Variants in ITGA7 observed in about 807,000 individuals in gnomAD.
ITGA7 encodes the protein integrin subunit alpha 7.
Under a neutral mutation model 131.6 loss-of-function variants are expected in ITGA7, and 84 were observed. The ratio of observed to expected loss-of-function variants is 0.64; its 90% confidence interval spans 0.54 to 0.77. The LOEUF is 0.77. ITGA7 is among the 30% of genes least tolerant of loss of function. The probability of loss-of-function intolerance (pLI) is 0.00; values close to 1 mark genes in which losing one functional copy is unlikely to be tolerated. For synonymous variants in ITGA7, 548 were observed against 600.7 expected, an observed-to-expected ratio of 0.91 and a Z score of 1.28; for missense variants, 1,399 against 1,482.9, an observed-to-expected ratio of 0.94 and a Z score of 0.93.
intron 3 of ITGA7, chr12:55,701,495 G>A: frequency 1.4e-6 from 2 of 1,414,408 alleles, no homozygotes; most frequent in Non-Finnish European, 9.8e-7. Flanking sequence ...CCTCCAAAAT[G>A]CCAAGCTTGG....
chr12:55,705,349 G>A (rs1291183032), intron 1 of ITGA7, among the ~76,000 whole-genome samples: 1 of 150,122 alleles, frequency 6.7e-6, no homozygotes, highest in Admixed American at 6.7e-5. Context: ...CAGCCACAGT[G>A]TAGCCACTGC....
At chr12:55,702,051 T>C (rs914727081) in intron 3 of ITGA7, among the ~76,000 whole-genome samples, 9 of 152,180 alleles carry the variant, frequency 5.9e-5, no homozygotes, top group African/African-American at 1.9e-4. Flanking sequence ...ACTTTGCTCT[T>C]GTCTCCCAGG....
intron 19 of ITGA7, 123 bp downstream of exon 19, chr12:55,693,898 A>C: frequency 1.3e-6 from 1 of 773,750 alleles, no homozygotes; most frequent in Non-Finnish European, 2.3e-6. Flanking sequence ...TATGCAGGAC[A>C]GAGGCCTCAA....
intron 24 of ITGA7, 151 bp downstream of exon 24, chr12:55,687,820 G>T (rs1870559707): frequency 1.9e-6 from 2 of 1,055,564 alleles, no homozygotes; most frequent in Non-Finnish European, 2.9e-6. Context: ...AACATCCAGG[G>T]ACTAATAGAG....
intron 1 of ITGA7, 54 bp from the exon 2 acceptor site, chr12:55,703,232 C>A: frequency 6.3e-7 from 1 of 1,592,426 alleles, no homozygotes; most frequent in Non-Finnish European, 8.5e-7. Flanking sequence ...GTCAGAATGA[C>A]CCAATCTCAT....
intron 7 of ITGA7, 96 bp from the exon 8 acceptor site, chr12:55,698,122 AT>A: frequency 8.3e-7 from 1 of 1,202,056 alleles, no homozygotes; most frequent in Non-Finnish European, 1.2e-6. Context: ...TATGTTTTCT[AT>A]TTTATTGAGA....
upstream of ITGA7, among the ~76,000 whole-genome samples, chr12:55,709,969 C>T (rs1875920287): frequency 3.3e-5 from 5 of 152,276 alleles, no homozygotes; most frequent in South Asian, 8.3e-4. Context: ...GCGTGCTAGA[C>T]CAGCCTAGTA....
In ITGA7 at chr12:55,697,126, C is replaced by T. The variant is rs1872785232; in HGVS notation, c.1568-58G>A. 4 of 1,592,572 alleles carry T rather than the reference C, an allele frequency of 2.5e-6. No individual in the cohort carries two copies. The Admixed American group carries it at 7.1e-5, about 28-fold the overall frequency. ...GCTGCAGAGCTGCTCCAGCTCACCC[C>T]ATTCCAAGGGTGCTCTTCTACCACC... On this transcript the variant is annotated intron_variant, in intron 11 of 24. Transcript: ENST00000257879.
rs897328094 is a variant in ITGA7, at chr12:55,698,321, G to A, written c.1192+62C>T. On this transcript the variant is annotated intron_variant, in intron 7 of 24. Coordinates refer to ENST00000257879, the MANE Select transcript of ITGA7 (RefSeq NM_002206.3). ...CAGAAGACCACACCCTGACCTCTGA[G>A]GGGCTTCCCCATCCCTCCTGTGGCC... 59 of 1,460,376 alleles carry A rather than the reference G, an allele frequency of 4.0e-5. 1 individual carries two copies. The highest frequency in any genetic ancestry group is 6.4e-5 in the Admixed American group (3 of 47,014). 90.5% of individuals were successfully genotyped at this position (1,460,376 alleles called of 1,614,324 possible).
Position 55,702,876 on chromosome 12 carries a change from A to T in ITGA7, c.410T>A (p.Ile137Asn). 1 of 1,612,390 alleles carries T rather than the reference A, an allele frequency of 6.2e-7. No homozygotes were observed. The highest frequency in any genetic ancestry group is 8.5e-7 in the Non-Finnish European group (1 of 1,179,616). ...SVRSQGPGGK[I>N]VTCAHRYEAR... ...GTCATGAGAAGCAATACTCACAACAATCTTGCCCCCAGGCCCCTGGCTCCG... is the reference window on the plus strand; with the variant it reads ...GTCATGAGAAGCAATACTCACAACATTCTTGCCCCCAGGCCCCTGGCTCCG... Residue 137 changes from isoleucine (I) to asparagine (N), a missense_variant, in exon 3 of 25, where the codon ATT becomes AAT. By Grantham distance (149) the Ile-to-Asn change is moderately radical. Transcript: ENST00000257879.
rs781445250 is a variant in ITGA7, at chr12:55,701,084, C to T, written c.485G>A (p.Arg162His). 6.8e-6 allele frequency: 11 copies of T among 1,614,084 alleles called. No homozygotes were observed. The highest frequency in any genetic ancestry group is 5.3e-5 in the African/African-American group (4 of 74,934). The change falls in exon 4 of 25, where the codon CGC (arginine) becomes CAC (histidine). Residue 162 changes from arginine to histidine, a missense_variant. Physicochemically the swap from Arg to His is conservative, Grantham distance 29. Transcript: ENST00000257879. ...QILETRDMIG[R>H]CFVLSQDLAI... Reference sequence around the variant, plus strand: ...CAGGTCCTGGCTGAGCACAAAGCAGCGACCAATCATATCCCGCGTCTCCAG... The same window carrying T: ...CAGGTCCTGGCTGAGCACAAAGCAGTGACCAATCATATCCCGCGTCTCCAG...
intron 4 of ITGA7, chr12:55,700,514 C>T: frequency 1.6e-6 from 2 of 1,233,468 alleles, no homozygotes; most frequent in East Asian, 4.7e-5. Context: ...TCTCCCCACC[C>T]TGTCCCCAAC....
Position 55,685,057 on chromosome 12 carries a change from C to T in ITGA7, c.*1G>A, listed in dbSNP as rs1442990799. 1 of 1,577,156 alleles carries T rather than the reference C, an allele frequency of 6.3e-7. No individual in the cohort carries two copies. Among genetic ancestry groups the T allele is most frequent in the South Asian group, 1.2e-5 (1 of 85,746 alleles). ...CACAGGCCAGGCTGGGACATGGGAA[C>T]CTAGGCGGTGCCTGGCCCTGGATGC... is the stretch of plus-strand genomic sequence containing the variant. On this transcript the variant is annotated 3_prime_UTR_variant, in exon 25 of 25. Coordinates refer to ENST00000257879, the MANE Select transcript of ITGA7 (RefSeq NM_002206.3).
Position 55,684,983 on chromosome 12 carries a change from A to G in ITGA7, c.*75T>C. On this transcript the variant is annotated 3_prime_UTR_variant, in exon 25 of 25. Coordinates refer to ENST00000257879, the MANE Select transcript of ITGA7 (RefSeq NM_002206.3). ...TGATGCGACACCAGCAGCCCACTCT[A>G]CCCTCTTCATCCCAAGGAGCCATCT... 7.9e-7 allele frequency: 1 copy of G among 1,264,878 alleles called. No individual in the cohort carries two copies. The highest frequency in any genetic ancestry group is 1.4e-5 in the South Asian group (1 of 69,466). 78.4% of individuals were successfully genotyped at this position (1,264,878 alleles called of 1,614,324 possible).
Position 55,694,148 on chromosome 12 carries a change from G to T in ITGA7, c.2433-25C>A, listed in dbSNP as rs1245624620. The T allele has an allele frequency of 1.1e-5, 18 of 1,611,858 alleles. No individual in the cohort carries two copies. The highest frequency in any genetic ancestry group is 1.5e-5 in the Non-Finnish European group (18 of 1,177,876). On this transcript the variant is annotated intron_variant, in intron 18 of 24. Coordinates refer to ENST00000257879, the MANE Select transcript of ITGA7 (RefSeq NM_002206.3). The surrounding 1 kb of genome is among the most constrained non-coding windows in gnomAD (Gnocchi z 5.3). ...TCTGGCGTGGAGAGGTCAGAACAGG[G>T]GTGAGAAGGTCTGGGGCCTGGCTCA...
chr12:55,697,924 GC>G lies in ITGA7; in HGVS notation c.1281+13del. The G allele has an allele frequency of 1.2e-6, 2 of 1,614,022 alleles. No individual in the cohort carries two copies. Among genetic ancestry groups the G allele is most frequent in the Non-Finnish European group, 1.7e-6 (2 of 1,179,996 alleles). The stretch of plus-strand genomic sequence containing the variant: ...CACCCACACCCATTCCCTCATCCCA[GC>G]GACTCCCCTCACCTGTGAAGGTTTG... On this transcript the variant is annotated intron_variant, in intron 8 of 24. Transcript: ENST00000257879.
At chr12:55,706,104 G>C (rs112811314) in intron 1 of ITGA7, among the ~76,000 whole-genome samples, 5 of 152,332 alleles carry the variant, frequency 3.3e-5, no homozygotes, top group African/African-American at 1.2e-4. Context: ...GAAATGACAA[G>C]AGACCAAGCT....
chr12:55,697,046 C>G lies in ITGA7; in HGVS notation c.1590G>C (p.Ala530=), dbSNP rs745575666. 1.5e-5 allele frequency: 25 copies of G among 1,613,976 alleles called. No homozygotes were observed. Among genetic ancestry groups the G allele is most frequent in the South Asian group, 2.2e-5 (2 of 91,046 alleles). ...GGCCCCGGAGCCTCCGGTCTGTGTC[C>G]GCATCTAACACATAGTCCAGGGCTG... ...PTVALDYVLD[A]DTDRRLRGQV... is the part of the protein sequence containing the mutation. Residue 530 remains alanine, a synonymous_variant, in exon 12 of 25, where the codon GCG becomes GCC. Transcript: ENST00000257879.
At position 55,695,121 on chromosome 12, in the gene ITGA7, G is replaced by A. The variant is rs966366236; in HGVS notation, c.2004-151C>T. 22 of 739,516 alleles carry A rather than the reference G, an allele frequency of 3.0e-5. No homozygotes were observed. In the African/African-American group the frequency reaches 3.7e-4, roughly 12 times the overall value. The allele number at this position is 739,516 out of a possible 1,614,324, so 45.8% of individuals were successfully genotyped here. On this transcript the variant is annotated intron_variant, in intron 14 of 24. Transcript: ENST00000257879. ...ACACCCGTCCAAGCCTCAGGCCTCTGTACACACGACTGGGAGTCAGGGGAC... is the reference window on the plus strand; with the variant it reads ...ACACCCGTCCAAGCCTCAGGCCTCTATACACACGACTGGGAGTCAGGGGAC...
Sources: allele counts gnomAD v4.1 joint callset (sites outside exome capture counted in the v4.1 genomes callset), GRCh38; gene constraint gnomAD v4.1.1; non-coding constraint Gnocchi (gnomAD v3.1); transcripts MANE v1.5; gene names NCBI Gene and HGNC (gene_info 2026-07-23, HGNC 2026-07-21).